The following SEMA4B variants were observed in gnomAD, a reference collection of about 807,000 sequenced individuals.
SEMA4B encodes the protein semaphorin 4B.
A neutral mutation model predicts 88.1 loss-of-function variants in SEMA4B; 55 were observed. The ratio of observed to expected loss-of-function variants is 0.62; its 90% CI spans 0.50 to 0.78. The LOEUF (loss-of-function observed/expected upper bound fraction) is 0.78, where lower values mean the gene tolerates loss of function less well. Among genes scored for constraint, SEMA4B ranks in the 30% least tolerant of loss-of-function variants. The pLI, the probability that SEMA4B is intolerant of heterozygous loss-of-function variation, is 0.00. For missense variants in SEMA4B, 1,062 were observed against 1,111.9 expected, an observed-to-expected ratio of 0.96 and a Z score of 0.64; for synonymous variants, 525 against 473.6, an observed-to-expected ratio of 1.11 and a Z score of -1.41.
In SEMA4B at chr15:90,229,167, C is replaced by T; in HGVS notation, c.*524C>T. ...CTTGGGCTGCGTGCGTTCTGCCTTGCCAGTCAGCCGAGGATGTAGTTGTTG... is the reference window on the plus strand; with the variant it reads ...CTTGGGCTGCGTGCGTTCTGCCTTGTCAGTCAGCCGAGGATGTAGTTGTTG... On this transcript the variant is annotated 3_prime_UTR_variant, in exon 14 of 14. Coordinates refer to ENST00000411539, the MANE Select transcript of SEMA4B (RefSeq NM_198925.4). 2.6e-6 allele frequency: 1 copy of T among 378,882 alleles called. No homozygotes were observed. The highest frequency in any genetic ancestry group is 5.3e-6 in the Non-Finnish European group (1 of 188,296). 23.5% of individuals were successfully genotyped at this position (378,882 alleles called of 1,614,324 possible). A position where few individuals can be genotyped will look rare whatever the true frequency, so the allele number is the denominator to read the frequency against.
chr15:90,194,590 C>T (rs372445151), intron 1 of SEMA4B, among the ~76,000 whole-genome samples: 144 of 152,114 alleles, frequency 9.5e-4, no homozygotes, highest in African/African-American at 3.3e-3. Flanking sequence ...TCTCTAGTGG[C>T]GTGCCATTGG....
chr15:90,196,086 A>AT (rs1199897717), intron 1 of SEMA4B, among the ~76,000 whole-genome samples: 9,276 of 137,402 alleles, frequency 0.068, 872 homozygotes, highest in African/African-American at 0.22. Flanking sequence ...TGCCTGGCTA[A>AT]TTTTTTTTTT....
chr15:90,197,917 A>T (rs1282358140), upstream of SEMA4B, among the ~76,000 whole-genome samples: 1 of 150,774 alleles, frequency 6.6e-6, no homozygotes, highest in East Asian at 1.9e-4. Context: ...TTTTATTATT[A>T]ATTAATTAAT....
intron 1 of SEMA4B, among the ~76,000 whole-genome samples, chr15:90,186,409 CAGG>C (rs1414778729): frequency 6.9e-6 from 1 of 145,776 alleles, no homozygotes; most frequent in Non-Finnish European, 1.5e-5. Context: ...CACCTGAGCT[CAGG>C]AGTTTGAAAC....
chr15:90,203,491 G>T (rs978975021), intron 1 of SEMA4B, among the ~76,000 whole-genome samples: 4 of 152,200 alleles, frequency 2.6e-5, no homozygotes, highest in African/African-American at 9.7e-5. Context: ...CTCTGGAACT[G>T]GATGGGACAA....
chr15:90,196,497 C>CT (rs140733048), upstream of SEMA4B, among the ~76,000 whole-genome samples: 26,809 of 151,102 alleles, frequency 0.18, 3,223 homozygotes, highest in East Asian at 0.58. Context: ...ATTTCTTCTA[C>CT]TTTTTTTTTG....
Position 90,228,946 on chromosome 15 carries a change from C to G in SEMA4B, c.*303C>G, listed in dbSNP as rs1393664206. On this transcript the variant is annotated 3_prime_UTR_variant, in exon 14 of 14. Transcript: ENST00000411539. ...TTAAAAAACAATTCCAAATGTGAAA[C>G]TAGAATGAGAGGGAAGAGATAGCAT... 9 of 488,864 alleles carry G rather than the reference C, an allele frequency of 1.8e-5. No individual in the cohort carries two copies. Among genetic ancestry groups the G allele is most frequent in the Non-Finnish European group, 3.3e-5 (9 of 269,654 alleles). The allele number at this position is 488,864 out of a possible 1,614,324, so 30.3% of individuals were successfully genotyped here. A position where few individuals can be genotyped will look rare whatever the true frequency, so the allele number is the denominator to read the frequency against.
intron 4 of SEMA4B, among the ~76,000 whole-genome samples, chr15:90,220,662 C>T (rs1489020317): frequency 6.6e-6 from 1 of 152,084 alleles, no homozygotes; most frequent in Non-Finnish European, 1.5e-5. Flanking sequence ...AGCCACCGCG[C>T]CCGGCCAGGC....
In SEMA4B at chr15:90,221,754, C is replaced by T. The variant is rs1189441305; in HGVS notation, c.850C>T (p.Arg284Cys). The T allele has an allele frequency of 1.9e-6, 3 of 1,613,658 alleles. No individual in the cohort carries two copies. The highest frequency in any genetic ancestry group is 2.5e-6 in the Non-Finnish European group (3 of 1,179,840). ...FENTIVSRIA[R>C]ICKGDEGGER... Reference sequence around the variant, plus strand: ...GAACACCATTGTGTCCCGCATTGCCCGCATCTGCAAGGTGAGGGGAACGGG... The same window carrying T: ...GAACACCATTGTGTCCCGCATTGCCTGCATCTGCAAGGTGAGGGGAACGGG... The change falls in exon 7 of 14, where the codon CGC (arginine) becomes TGC (cysteine). Residue 284 changes from arginine to cysteine, a missense_variant. Transcript: ENST00000411539.
At chr15:90,186,666 G>A (rs571908324) in intron 1 of SEMA4B, among the ~76,000 whole-genome samples, 3 of 152,114 alleles carry the variant, frequency 2.0e-5, no homozygotes, top group Non-Finnish European at 4.4e-5. Flanking sequence ...GGCCAGGCAC[G>A]GTGGCTCACG....
At chr15:90,197,355 A>T (rs55835844), upstream of SEMA4B, among the ~76,000 whole-genome samples, 25,634 of 151,862 alleles carry the variant, frequency 0.17, 3,176 homozygotes, top group East Asian at 0.58. Context: ...TTGCCACTGT[A>T]CTCCAGCCTG....
At position 90,215,073 on chromosome 15, in the gene SEMA4B, A is replaced by G. The variant is rs1374157083; in HGVS notation, c.158-2366A>G. On this transcript the variant is annotated intron_variant, in intron 1 of 13. Transcript: ENST00000411539. ...TGTGGTCATAACCCACTGGTCCGCT[A>G]CAACGTGCCTGAGGGTGGTCAGGGT... 1.9e-6 allele frequency: 2 copies of G among 1,040,898 alleles called. 1 individual carries two copies. Among genetic ancestry groups the G allele is most frequent in the South Asian group, 3.5e-5 (2 of 57,538 alleles). The allele number at this position is 1,040,898 out of a possible 1,614,324, so 64.5% of individuals were successfully genotyped here. A position where few individuals can be genotyped will look rare whatever the true frequency, so the allele number is the denominator to read the frequency against.
intron 1 of SEMA4B, among the ~76,000 whole-genome samples, chr15:90,187,731 G>T (rs1960206531): frequency 6.6e-6 from 1 of 152,180 alleles, no homozygotes; most frequent in Non-Finnish European, 1.5e-5. Flanking sequence ...TGGGGGCTGG[G>T]TGCAGTGACC....
upstream of SEMA4B, among the ~76,000 whole-genome samples, chr15:90,201,017 A>G (rs1485660574): frequency 6.6e-6 from 1 of 152,176 alleles, no homozygotes; most frequent in Admixed American, 6.5e-5. Flanking sequence ...CTAACTCCCT[A>G]GGCGCATAGC....
At chr15:90,193,430 C>T (rs1046847958) in intron 1 of SEMA4B, 10 of 152,202 alleles carry the variant, frequency 6.6e-5, no homozygotes, top group African/African-American at 2.4e-4. Flanking sequence ...TTTTGTCAGC[C>T]CTGTGGAGTT....
chr15:90,188,912 G>A (rs1275943194), intron 1 of SEMA4B, among the ~76,000 whole-genome samples: 2 of 151,938 alleles, frequency 1.3e-5, no homozygotes, highest in African/African-American at 4.8e-5. Context: ...CTCGTGATCC[G>A]CCCGCCTCAG....
In SEMA4B at chr15:90,216,059, G is replaced by C. The variant is rs559184453; in HGVS notation, c.158-1380G>C. 1.5e-4 allele frequency among the ~76,000 whole-genome samples: 23 copies of C among 150,794 alleles called. No individual in the cohort carries two copies. In the South Asian group the frequency reaches 2.5e-3, roughly 17 times the overall value. ...GCTGGAGTGCAATGGTGTGATCTCAGCTCACCGCAACCTCTGCATCCCAGG... is the reference window on the plus strand; with the variant it reads ...GCTGGAGTGCAATGGTGTGATCTCACCTCACCGCAACCTCTGCATCCCAGG... On this transcript the variant is annotated intron_variant, in intron 1 of 13. Transcript: ENST00000411539.
chr15:90,207,385 G>T (rs572851383), intron 1 of SEMA4B, among the ~76,000 whole-genome samples: 3 of 152,276 alleles, frequency 2.0e-5, no homozygotes, highest in Admixed American at 2.0e-4. Context: ...TAGCCAACTC[G>T]TGTCCTCTTT....
chr15:90,220,823 T>C (rs574679102), intron 4 of SEMA4B, among the ~76,000 whole-genome samples, 159 bp from the exon 5 acceptor site: 3 of 152,282 alleles, frequency 2.0e-5, no homozygotes, highest in South Asian at 2.1e-4. Flanking sequence ...CACCGTGTCC[T>C]GGCTGAGGAG....
Sources: allele counts gnomAD v4.1 joint callset (sites outside exome capture counted in the v4.1 genomes callset), GRCh38; gene constraint gnomAD v4.1.1; transcripts MANE v1.5; gene names NCBI Gene and HGNC (gene_info 2026-07-23, HGNC 2026-07-21).